VTI1A: variants seen among roughly 807,000 people sequenced by gnomAD.
The protein encoded by VTI1A is vesicle transport through interaction with t-SNAREs homolog 1A.
In VTI1A, 22 loss-of-function variants were observed where a neutral mutation model predicts 34.9. The ratio of observed to expected loss-of-function variants is 0.63; its 90% confidence interval spans 0.45 to 0.90. The LOEUF (loss-of-function observed/expected upper bound fraction) is 0.90. Ranked by LOEUF, VTI1A falls within the 40% of genes least tolerant of loss-of-function variation. The pLI, the probability that VTI1A is intolerant of heterozygous loss-of-function variation, is 0.00. For synonymous variants in VTI1A, 87 were observed against 97.3 expected (o/e 0.89, Z 0.62); for missense variants, 268 against 275.6 (o/e 0.97, Z 0.20).
At chr10:112,796,265 G>T (rs991687796) in intron 7 of VTI1A, among the ~76,000 whole-genome samples, 1 of 152,032 alleles carries the variant, frequency 6.6e-6, no homozygotes, top group African/African-American at 2.4e-5. Context: ...AATTAGCCAG[G>T]CATGGTGGCA....
chr10:112,506,853 C>T (rs1849449072), intron 3 of VTI1A, among the ~76,000 whole-genome samples: 1 of 151,970 alleles, frequency 6.6e-6, no homozygotes, highest in Non-Finnish European at 1.5e-5. Context: ...ATTTCACCAT[C>T]ATGTTTGAAT....
chr10:112,479,805 A>AG (rs1362443694), intron 3 of VTI1A, among the ~76,000 whole-genome samples: 1 of 152,206 alleles, frequency 6.6e-6, no homozygotes, highest in Non-Finnish European at 1.5e-5. Flanking sequence ...CTCCCCTAGG[A>AG]AGAGGGTGCA....
At position 112,738,919 on chromosome 10, in the gene VTI1A, C is replaced by G. The variant is rs149103582; in HGVS notation, c.560+69921C>G. ...TCAGCAGTGACCTAGCCGCATGATC[C>G]CGCAGTGAGGGCTTAACACGTTCCA... On this transcript the variant is annotated intron_variant, in intron 7 of 7. Transcript: ENST00000393077. Among the ~76,000 whole-genome samples the G allele has an allele frequency of 4.5e-3, 685 of 152,312 alleles. 6 individuals are homozygous for G. The highest frequency in any genetic ancestry group is 0.016 in the African/African-American group (655 of 41,564).
At chr10:112,846,532 T>C in the VTI1A span, among the ~76,000 whole-genome samples, 1 of 152,118 alleles carries the variant, frequency 6.6e-6, no homozygotes, top group Admixed American at 6.5e-5. Context: ...TTTGGGAGGC[T>C]GAGGCGGGCT....
intron 7 of VTI1A, among the ~76,000 whole-genome samples, chr10:112,683,894 T>C (rs1466796768): frequency 6.6e-6 from 1 of 152,192 alleles, no homozygotes; most frequent in East Asian, 1.9e-4. Flanking sequence ...AGTACAAAAA[T>C]TGGCCGGGCA....
intron 3 of VTI1A, among the ~76,000 whole-genome samples, chr10:112,499,299 CCTT>C (rs1849141152): frequency 6.6e-6 from 1 of 152,142 alleles, no homozygotes; most frequent in Non-Finnish European, 1.5e-5. Flanking sequence ...TTCCCTCCCT[CCTT>C]CTTGAAACTA....
intron 3 of VTI1A, among the ~76,000 whole-genome samples, chr10:112,471,367 ATTTTTTTT>A (rs576549183): frequency 5.3e-5 from 5 of 94,388 alleles, no homozygotes; most frequent in African/African-American, 2.1e-4. Flanking sequence ...ATTCTTATTG[ATTTTTTTT>A]TTTTTTTTTT....
intron 4 of VTI1A, among the ~76,000 whole-genome samples, chr10:112,531,859 G>A (rs1268485909): frequency 6.6e-6 from 1 of 152,148 alleles, no homozygotes; most frequent in African/African-American, 2.4e-5. Context: ...GAAAGATTCC[G>A]ATATATGATA....
At chr10:112,834,860 C>A in the VTI1A span, among the ~76,000 whole-genome samples, 21 of 152,124 alleles carry the variant, frequency 1.4e-4, no homozygotes, top group Admixed American at 1.2e-3. Context: ...TCTTCAGGGG[C>A]CTTCAGCGGG....
intron 5 of VTI1A, among the ~76,000 whole-genome samples, chr10:112,570,894 G>T (rs189431447): frequency 6.6e-6 from 1 of 152,208 alleles, no homozygotes; most frequent in Non-Finnish European, 1.5e-5. Context: ...AGTGGTTACT[G>T]TGTGCCTGGC....
At chr10:112,571,587 A>T (rs962444246) in intron 5 of VTI1A, among the ~76,000 whole-genome samples, 1 of 152,172 alleles carries the variant, frequency 6.6e-6, no homozygotes. Context: ...GAGATTTCTC[A>T]AAGAACTAAG....
At chr10:112,845,644 G>A in the VTI1A span, among the ~76,000 whole-genome samples, 25 of 152,184 alleles carry the variant, frequency 1.6e-4, no homozygotes, top group African/African-American at 4.8e-4. Flanking sequence ...AAAAGCCTCC[G>A]CGGGAGGAGG....
At chr10:112,761,299 G>A (rs1158506407) in intron 7 of VTI1A, among the ~76,000 whole-genome samples, 2 of 152,156 alleles carry the variant, frequency 1.3e-5, no homozygotes, top group African/African-American at 4.8e-5. Context: ...CTTAAATAGA[G>A]CTGTCTTAAA....
At chr10:112,739,529 A>G (rs1850617527) in intron 7 of VTI1A, among the ~76,000 whole-genome samples, 1 of 152,244 alleles carries the variant, frequency 6.6e-6, no homozygotes, top group Non-Finnish European at 1.5e-5. Context: ...CAGATGAAAT[A>G]TGGTTTTCCG....
chr10:112,835,290 G>T, the VTI1A span, among the ~76,000 whole-genome samples: 5 of 152,122 alleles, frequency 3.3e-5, no homozygotes, highest in Admixed American at 6.6e-5. Context: ...TTCCAAAATG[G>T]TCTCATCTCC....
chr10:112,655,858 A>G (rs573579781), intron 5 of VTI1A, among the ~76,000 whole-genome samples: 7 of 152,272 alleles, frequency 4.6e-5, no homozygotes, highest in South Asian at 2.1e-4. Context: ...TATCTAGGCA[A>G]TTAGTCAGCC....
intron 5 of VTI1A, among the ~76,000 whole-genome samples, chr10:112,633,619 G>A (rs528278197): frequency 1.4e-4 from 21 of 152,268 alleles, no homozygotes; most frequent in Middle Eastern, 3.4e-3. Flanking sequence ...GAGGAAAAGG[G>A]CATTGCCCCC....
At chr10:112,792,354 C>T (rs959055872) in intron 7 of VTI1A, among the ~76,000 whole-genome samples, 3 of 152,122 alleles carry the variant, frequency 2.0e-5, no homozygotes, top group Admixed American at 1.3e-4. Flanking sequence ...CGTGTCCCAA[C>T]GTCTCATGCT....
intron 7 of VTI1A, among the ~76,000 whole-genome samples, chr10:112,789,545 A>T (rs545469375): frequency 6.6e-6 from 1 of 152,080 alleles, no homozygotes; most frequent in Non-Finnish European, 1.5e-5. Flanking sequence ...TTGGATTCCC[A>T]TTACACATAT....
Sources: allele counts gnomAD v4.1 joint callset (sites outside exome capture counted in the v4.1 genomes callset), GRCh38; gene constraint gnomAD v4.1.1; transcripts MANE v1.5; gene names NCBI Gene and HGNC (gene_info 2026-07-23, HGNC 2026-07-21).